SUDS3: variants seen among roughly 807,000 people sequenced by gnomAD.
SUDS3 encodes SIN3A corepressor complex component SDS3, also known as sin3 histone deacetylase corepressor complex component SDS3.
In SUDS3, 23 loss-of-function variants were observed where a neutral mutation model predicts 53.5. The observed-to-expected ratio is 0.43, with a 90% confidence interval of 0.31 to 0.61. SUDS3 has a LOEUF of 0.61. Ranked by LOEUF, SUDS3 falls within the 20% of genes least tolerant of loss-of-function variation. The pLI, the probability that SUDS3 is intolerant of heterozygous loss-of-function variation, is 0.10. For missense variants in SUDS3, 291 were observed against 405.9 expected, an observed-to-expected ratio of 0.72 and a Z score of 2.43; for synonymous variants, 150 against 148.5, an observed-to-expected ratio of 1.01 and a Z score of -0.08.
intron 10 of SUDS3, among the ~76,000 whole-genome samples, chr12:118,406,457 C>A (rs2046309143): frequency 6.6e-6 from 1 of 152,178 alleles, no homozygotes. Flanking sequence ...CTCCTCGCCC[C>A]ACTTTTGTGT....
chr12:118,386,896 A>G (rs2046119610), intron 4 of SUDS3, among the ~76,000 whole-genome samples: 1 of 152,218 alleles, frequency 6.6e-6, no homozygotes, highest in Non-Finnish European at 1.5e-5. Flanking sequence ...AGGTTACAGG[A>G]AATCGCGTGT....
chr12:118,380,553 C>A (rs3741443), intron 2 of SUDS3, among the ~76,000 whole-genome samples: 7,372 of 152,216 alleles, frequency 0.048, 382 homozygotes, highest in East Asian at 0.24. Flanking sequence ...TTCCAAAGAC[C>A]ATGTATGTTT....
chr12:118,389,995 A>G, intron 5 of SUDS3, 49 bp downstream of exon 5: 1 of 1,611,636 alleles, frequency 6.2e-7, no homozygotes, highest in Non-Finnish European at 8.5e-7. Flanking sequence ...TGAGACTGGA[A>G]TCTTGCAGTC....
At chr12:118,382,667 T>C (rs1234031462) in intron 2 of SUDS3, among the ~76,000 whole-genome samples, 10 of 92,396 alleles carry the variant, frequency 1.1e-4, no homozygotes, top group Non-Finnish European at 2.4e-4. Context: ...GTGCCCAGCC[T>C]TTTTTTTTTT....
chr12:118,392,659 GGCT>G (rs2046177942), intron 6 of SUDS3, among the ~76,000 whole-genome samples: 1 of 152,148 alleles, frequency 6.6e-6, no homozygotes, highest in Admixed American at 6.5e-5. Flanking sequence ...TCTGCCTGCC[GGCT>G]TTTGGACCTG....
chr12:118,386,702 T>G (rs2046117766), intron 4 of SUDS3, among the ~76,000 whole-genome samples: 1 of 152,230 alleles, frequency 6.6e-6, no homozygotes, highest in Non-Finnish European at 1.5e-5. Flanking sequence ...GAGCACCTGC[T>G]ACATCTAAGC....
chr12:118,391,035 C>T (rs769601534), intron 5 of SUDS3, 91 bp from the exon 6 acceptor site: 1 of 1,429,970 alleles, frequency 7.0e-7, no homozygotes, highest in South Asian at 1.2e-5. Context: ...AACTCTCACA[C>T]ACTTTGCAGT....
chr12:118,393,349 C>T (rs1475150869), intron 6 of SUDS3, among the ~76,000 whole-genome samples: 3 of 152,156 alleles, frequency 2.0e-5, no homozygotes, highest in Admixed American at 2.0e-4. Context: ...GGATAAGACG[C>T]TGATGAGAAG....
At chr12:118,378,384 T>C (rs995093887) in intron 1 of SUDS3, among the ~76,000 whole-genome samples, 4 of 152,210 alleles carry the variant, frequency 2.6e-5, no homozygotes, top group Admixed American at 6.5e-5. Context: ...ATTGGATCTG[T>C]ACTGAACATG....
intron 6 of SUDS3, among the ~76,000 whole-genome samples, chr12:118,394,804 G>A (rs7305467): frequency 6.6e-6 from 1 of 152,122 alleles, no homozygotes. Context: ...TCCCACCTCA[G>A]CCTCCTGAGT....
chr12:118,405,775 T>G (rs1212441172), intron 10 of SUDS3, among the ~76,000 whole-genome samples: 1 of 152,218 alleles, frequency 6.6e-6, no homozygotes, highest in Non-Finnish European at 1.5e-5. Context: ...AGTGCCAGCC[T>G]CTCCCATCTC....
At chr12:118,410,840 G>A (rs548042718) in intron 10 of SUDS3, among the ~76,000 whole-genome samples, 6 of 151,952 alleles carry the variant, frequency 3.9e-5, no homozygotes, top group Admixed American at 6.6e-5. Context: ...CTTGTGATCC[G>A]CCTGCCTCGG....
chr12:118,402,567 T>TGATTACTC (rs569049295), intron 9 of SUDS3: 1 of 153,454 alleles, frequency 6.5e-6, no homozygotes. Flanking sequence ...TAAAGCACCA[T>TGATTACTC]GATTACTCGA....
intron 2 of SUDS3, 143 bp from the exon 3 acceptor site, chr12:118,383,869 G>A (rs977499333): frequency 4.5e-6 from 3 of 670,442 alleles, no homozygotes; most frequent in East Asian, 2.7e-5. Flanking sequence ...TTTTAAGCCA[G>A]CAAGCAGACT....
chr12:118,390,901 A>G, intron 5 of SUDS3: 1 of 610,438 alleles, frequency 1.6e-6, no homozygotes, highest in Non-Finnish European at 3.1e-6. Flanking sequence ...GGAAGCGAAA[A>G]AATATCTGGG....
chr12:118,398,747 C>T (rs996989030), intron 6 of SUDS3, among the ~76,000 whole-genome samples: 2 of 149,856 alleles, frequency 1.3e-5, no homozygotes, highest in Admixed American at 1.3e-4. Context: ...CACAAATTAA[C>T]TTCCTCCCAT....
chr12:118,392,215 C>CT (rs1380701022), intron 6 of SUDS3, among the ~76,000 whole-genome samples: 1 of 152,176 alleles, frequency 6.6e-6, no homozygotes, highest in East Asian at 1.9e-4. Flanking sequence ...TCTGGTGTGT[C>CT]TGATTTTAGC....
At chr12:118,412,668 T>C (rs1262430895) in intron 11 of SUDS3, among the ~76,000 whole-genome samples, 1 of 152,236 alleles carries the variant, frequency 6.6e-6, no homozygotes, top group South Asian at 2.1e-4. Context: ...TGTGGCCTTC[T>C]AGTACCTGAC....
At position 118,415,258 on chromosome 12, in the gene SUDS3, T is replaced by C. The variant is rs2046390547; in HGVS notation, c.*825T>C. ...GTTCCCAAGTAGGTAGTAGTAAGTA[T>C]GTGCCACAGGCTGATTATCTGGGTA... On this transcript the variant is annotated 3_prime_UTR_variant, in exon 12 of 12. Transcript: ENST00000543473. The C allele has an allele frequency of 6.6e-6, 1 of 152,228 alleles. No homozygotes were observed. The highest frequency in any genetic ancestry group is 2.1e-4 in the South Asian group (1 of 4,836). 9.4% of individuals were successfully genotyped at this position (152,228 alleles called of 1,614,324 possible). A position where few individuals can be genotyped will look rare whatever the true frequency, so the allele number is the denominator to read the frequency against.
Sources: gnomAD v4.1 joint callset for allele counts (sites outside exome capture counted in the v4.1 genomes callset) on GRCh38, gnomAD v4.1.1 for gene constraint, MANE v1.5 for transcripts, NCBI Gene and HGNC (gene_info 2026-07-23, HGNC 2026-07-21) for gene names.